Variants in DENND5B observed in about 807,000 individuals in gnomAD.
The protein encoded by DENND5B is DENN domain-containing protein 5B.
DENND5B carries 34 observed loss-of-function variants against 140.6 expected under a neutral mutation model. The observed-to-expected ratio is 0.24, with a 90% CI of 0.18 to 0.32. DENND5B has a LOEUF of 0.32. Ranked by LOEUF, DENND5B falls within the 10% of genes least tolerant of loss-of-function variation. The pLI, the probability that DENND5B is intolerant of heterozygous loss-of-function variation, is 1.00. For missense variants in DENND5B, 1,142 were observed against 1,560.2 expected (o/e 0.73, Z 4.52); for synonymous variants, 551 against 562.1 (o/e 0.98, Z 0.28).
chr12:31,409,136 T>C (rs1942299328), intron 14 of DENND5B, 127 bp downstream of exon 14: 15 of 1,089,476 alleles, frequency 1.4e-5, no homozygotes, highest in South Asian at 2.3e-5. Flanking sequence ...CCTTTACTCC[T>C]AAACAGAGAC....
chr12:31,563,760 T>C (rs1009228825), intron 1 of DENND5B, among the ~76,000 whole-genome samples: 7 of 152,246 alleles, frequency 4.6e-5, no homozygotes, highest in Non-Finnish European at 8.8e-5. Context: ...AAATGCCTTT[T>C]GCAAATAAAA....
chr12:31,461,312 A>AACCACAAAACTATCATATCT, intron 3 of DENND5B, among the ~76,000 whole-genome samples: 1 of 152,184 alleles, frequency 6.6e-6, no homozygotes, highest in Non-Finnish European at 1.5e-5. Context: ...TCTAACCCCT[A>AACCACAAAACTATCATATCT]GCCACAAAAC....
intron 1 of DENND5B, among the ~76,000 whole-genome samples, chr12:31,550,974 A>G (rs1190844690): frequency 1.5e-5 from 2 of 132,998 alleles, no homozygotes; most frequent in African/African-American, 2.5e-5. Context: ...CCTTTGTCAG[A>G]TGAGTAGGTT....
intron 7 of DENND5B, among the ~76,000 whole-genome samples, chr12:31,438,755 A>G (rs1296308815): frequency 6.6e-6 from 1 of 152,184 alleles, no homozygotes; most frequent in Admixed American, 6.5e-5. Context: ...AAAAAAGGTC[A>G]GTATAACACA....
chr12:31,537,385 G>A (rs1948541160), intron 1 of DENND5B, among the ~76,000 whole-genome samples: 1 of 152,086 alleles, frequency 6.6e-6, no homozygotes, highest in Admixed American at 6.5e-5. Flanking sequence ...TGAAAACAGT[G>A]TTAGGCTATC....
At chr12:31,590,447 T>G in intron 1 of DENND5B, 1 of 304,278 alleles carries the variant, frequency 3.3e-6, no homozygotes, top group Non-Finnish European at 5.9e-6. Flanking sequence ...GTCCGTGCCC[T>G]TGGGGCCACC....
intron 2 of DENND5B, among the ~76,000 whole-genome samples, chr12:31,480,730 T>C (rs1278347462): frequency 6.6e-6 from 1 of 152,198 alleles, no homozygotes; most frequent in Non-Finnish European, 1.5e-5. Context: ...AAGGCTCATT[T>C]AGGAAGTGGA....
intron 4 of DENND5B, among the ~76,000 whole-genome samples, chr12:31,454,120 C>CA (rs1181945467): frequency 3.8e-5 from 5 of 132,794 alleles, no homozygotes; most frequent in African/African-American, 5.6e-5. Flanking sequence ...CCAGCCTGGG[C>CA]AAAACACAGC....
chr12:31,568,300 CA>C (rs1203105954), intron 1 of DENND5B, among the ~76,000 whole-genome samples: 6 of 152,156 alleles, frequency 3.9e-5, no homozygotes, highest in Non-Finnish European at 8.8e-5. Flanking sequence ...TATGTATATG[CA>C]AATATTCCAA....
chr12:31,566,617 A>T (rs540916681), intron 1 of DENND5B, among the ~76,000 whole-genome samples: 47 of 152,228 alleles, frequency 3.1e-4, no homozygotes, highest in East Asian at 1.9e-3. Flanking sequence ...ATAATTTTTT[A>T]AAAATTTTTT....
At position 31,479,937 on chromosome 12, in the gene DENND5B, G is replaced by T; in HGVS notation, c.556C>A (p.Leu186Met). Reference protein sequence around the residue: ...YNSYDISRDTLYVSKSICLIT... With the variant: ...YNSYDISRDTMYVSKSICLIT... ...AAGCATATACTTTTTGAAACATACA[G>T]GGTGTCTCTGCTAATATCATAGGAG... Residue 186 changes from leucine (L) to methionine (M), a missense_variant, in exon 3 of 21, where the codon CTG becomes ATG. Leu to Met is a conservative substitution (Grantham distance 15). Transcript: ENST00000389082. 6.2e-7 allele frequency: 1 copy of T among 1,614,002 alleles called. No homozygotes were observed. The highest frequency in any genetic ancestry group is 1.1e-5 in the South Asian group (1 of 91,080).
At chr12:31,554,729 C>T (rs994805661) in intron 1 of DENND5B, among the ~76,000 whole-genome samples, 3 of 152,164 alleles carry the variant, frequency 2.0e-5, no homozygotes, top group Non-Finnish European at 4.4e-5. Context: ...TCACATAGTC[C>T]CATATTTCTT....
chr12:31,546,062 GTGTT>G (rs1948849011), intron 1 of DENND5B, among the ~76,000 whole-genome samples: 1 of 151,204 alleles, frequency 6.6e-6, no homozygotes, highest in African/African-American at 2.4e-5. Context: ...TGTATGGCTA[GTGTT>G]TGTACTTTCA....
intron 1 of DENND5B, among the ~76,000 whole-genome samples, chr12:31,520,002 A>G (rs1947818115): frequency 6.6e-6 from 1 of 152,218 alleles, no homozygotes; most frequent in Non-Finnish European, 1.5e-5. Flanking sequence ...CTACCTGTTC[A>G]GGCATTTCTT....
chr12:31,585,747 T>C (rs756514779), intron 1 of DENND5B, among the ~76,000 whole-genome samples: 2 of 152,236 alleles, frequency 1.3e-5, no homozygotes, highest in Non-Finnish European at 2.9e-5. Context: ...ATTCAGATCA[T>C]GGTCTCCACC....
chr12:31,488,884 TGATCAGAC>T (rs1946409993), intron 2 of DENND5B, among the ~76,000 whole-genome samples: 1 of 152,196 alleles, frequency 6.6e-6, no homozygotes, highest in African/African-American at 2.4e-5. Context: ...GTGTCACTGA[TGATCAGAC>T]TACTACTAGT....
At chr12:31,478,038 G>A (rs1429318586) in intron 3 of DENND5B, 1 of 158,424 alleles carries the variant, frequency 6.3e-6, no homozygotes, top group Non-Finnish European at 1.5e-5. Flanking sequence ...ATCTAAAGAT[G>A]ATGAGAAAGT....
intron 7 of DENND5B, among the ~76,000 whole-genome samples, chr12:31,434,478 G>C (rs970903641): frequency 3.3e-5 from 5 of 152,112 alleles, no homozygotes; most frequent in African/African-American, 1.2e-4. Context: ...CTTTGTTTTT[G>C]GTTAATAATG....
At chr12:31,582,888 G>A (rs1287116209) in intron 1 of DENND5B, among the ~76,000 whole-genome samples, 2 of 152,212 alleles carry the variant, frequency 1.3e-5, no homozygotes, top group African/African-American at 4.8e-5. Context: ...GGGTATGGAT[G>A]TTATGGGTAT....
Sources: gnomAD v4.1 joint callset for allele counts (sites outside exome capture counted in the v4.1 genomes callset) on GRCh38, gnomAD v4.1.1 for gene constraint, MANE v1.5 for transcripts, NCBI Gene and HGNC (gene_info 2026-07-23, HGNC 2026-07-21) for gene names.